The following MEGF11 variants were observed in gnomAD, a reference collection of about 807,000 sequenced individuals.
MEGF11 encodes the protein multiple epidermal growth factor-like domains protein 11.
MEGF11 carries 126 observed loss-of-function variants against 146.6 expected under a neutral mutation model. That is an observed-to-expected ratio of 0.86 (90% CI 0.74 to 1.00). The LOEUF is 1.00. MEGF11 is among the 50% of genes least tolerant of loss of function. The pLI, the probability that MEGF11 is intolerant of heterozygous loss-of-function variation, is 0.00. For missense variants in MEGF11, 1,509 were observed against 1,521.2 expected (o/e 0.99, Z 0.13); for synonymous variants, 532 against 583.4 (o/e 0.91, Z 1.27).
intron 4 of MEGF11, among the ~76,000 whole-genome samples, chr15:66,116,610 G>A (rs1402354854): frequency 6.6e-6 from 1 of 152,144 alleles, no homozygotes; most frequent in East Asian, 1.9e-4. Context: ...ACCCTGTAAG[G>A]GTTTCAGGGG....
intron 1 of MEGF11, among the ~76,000 whole-genome samples, chr15:66,137,296 T>C (rs2140991920): frequency 6.6e-6 from 1 of 152,354 alleles, no homozygotes; most frequent in South Asian, 2.1e-4. Context: ...TTATCATCAC[T>C]ATAGTCAGAA....
intron 7 of MEGF11, among the ~76,000 whole-genome samples, chr15:65,976,615 A>G (rs913411496): frequency 1.3e-5 from 2 of 152,230 alleles, no homozygotes; most frequent in Non-Finnish European, 2.9e-5. Context: ...TTCAGCCTTC[A>G]GAACTGTGAG....
chr15:66,174,091 T>G (rs1382421095), intron 1 of MEGF11, among the ~76,000 whole-genome samples: 24 of 152,246 alleles, frequency 1.6e-4, no homozygotes, highest in Admixed American at 1.6e-3. Flanking sequence ...TGACACTTCA[T>G]TCTGGCCTGG....
intron 5 of MEGF11, among the ~76,000 whole-genome samples, chr15:66,051,980 T>C (rs1316189561): frequency 2.6e-5 from 4 of 152,182 alleles, no homozygotes; most frequent in Non-Finnish European, 5.9e-5. Context: ...CCATAACTCT[T>C]ATTTACTCCA....
chr15:66,154,982 C>T (rs2089703476), intron 1 of MEGF11, among the ~76,000 whole-genome samples: 1 of 152,246 alleles, frequency 6.6e-6, no homozygotes, highest in Non-Finnish European at 1.5e-5. Context: ...ACAAGATTCC[C>T]TTCAGGGGAA....
Position 65,909,816 on chromosome 15 carries a change from G to T in MEGF11, c.2830-10C>A, listed in dbSNP as rs769966436. On this transcript the variant is annotated splice_polypyrimidine_tract_variant and intron_variant, in intron 21 of 25. Coordinates refer to ENST00000395614, the MANE Select transcript of MEGF11 (RefSeq NM_001385028.1). ...GGGACTTGTTACTGAGCTGTTTGGA[G>T]AGTAGGAGAGCCAGTTAATATCTAG... 1.9e-6 allele frequency: 3 copies of T among 1,564,688 alleles called. No homozygotes were observed. In the South Asian group the frequency reaches 3.5e-5, roughly 18 times the overall value.
chr15:65,975,579 G>A (rs1032108787), intron 7 of MEGF11, among the ~76,000 whole-genome samples: 2 of 152,158 alleles, frequency 1.3e-5, no homozygotes, highest in African/African-American at 4.8e-5. Context: ...GGTCTGGTGG[G>A]AAGAGCACTG....
At chr15:66,090,019 T>G (rs922693748) in intron 5 of MEGF11, among the ~76,000 whole-genome samples, 3 of 152,240 alleles carry the variant, frequency 2.0e-5, no homozygotes, top group Non-Finnish European at 4.4e-5. Flanking sequence ...CAGAATTATC[T>G]GATAGTTGGT....
At chr15:66,069,532 A>T (rs2085279801) in intron 5 of MEGF11, among the ~76,000 whole-genome samples, 1 of 152,232 alleles carries the variant, frequency 6.6e-6, no homozygotes. Flanking sequence ...AAAGAAGGTC[A>T]TATTACTTGG....
intron 5 of MEGF11, among the ~76,000 whole-genome samples, chr15:66,043,637 A>C (rs1311813033): frequency 1.3e-5 from 2 of 152,240 alleles, no homozygotes. Context: ...ACCCAGAAGA[A>C]CTGGCCCTGC....
intron 1 of MEGF11, among the ~76,000 whole-genome samples, chr15:66,243,941 C>T (rs759837972): frequency 6.6e-6 from 1 of 152,170 alleles, no homozygotes; most frequent in African/African-American, 2.4e-5. Flanking sequence ...CTCACGTGGT[C>T]CACATGGCCT....
chr15:65,997,719 A>G lies in MEGF11; in HGVS notation c.395-15231T>C, dbSNP rs140695325. On this transcript the variant is annotated intron_variant, in intron 5 of 25. Coordinates refer to ENST00000395614, the MANE Select transcript of MEGF11 (RefSeq NM_001385028.1). The stretch of plus-strand genomic sequence containing the variant: ...CAGCGCCTCGAACAGTGTCTGGCAT[A>G]TAGTAGATGCTCAATAAATATTTGC... Among the ~76,000 whole-genome samples, 1,067 of 152,266 alleles carry G rather than the reference A, an allele frequency of 7.0e-3. 3 individuals are homozygous for G. Among genetic ancestry groups the G allele is most frequent in the Non-Finnish European group, 9.0e-3 (610 of 68,016 alleles).
At chr15:65,918,669 G>C (rs967874141) in intron 15 of MEGF11, among the ~76,000 whole-genome samples, 1 of 152,212 alleles carries the variant, frequency 6.6e-6, no homozygotes, top group Non-Finnish European at 1.5e-5. Flanking sequence ...CCTCAAGAAA[G>C]CCCTCCTGAG....
In MEGF11 at chr15:65,915,603, G is replaced by A. The variant is rs759886016; in HGVS notation, c.2345-5C>T. 42 of 1,613,574 alleles carry A rather than the reference G, an allele frequency of 2.6e-5. No individual in the cohort carries two copies. Among genetic ancestry groups the A allele is most frequent in the Non-Finnish European group, 3.4e-5 (40 of 1,179,748 alleles). On this transcript the variant is annotated splice_polypyrimidine_tract_variant and splice_region_variant and intron_variant, in intron 18 of 25. Transcript: ENST00000395614. ...CAAAGGTTCCTGGGGCACATCCTGTGTGGCACAAAGAGTTAGGGTAGAGGA... is the reference window on the plus strand; with the variant it reads ...CAAAGGTTCCTGGGGCACATCCTGTATGGCACAAAGAGTTAGGGTAGAGGA...
intron 4 of MEGF11, among the ~76,000 whole-genome samples, chr15:66,110,263 C>G (rs1328632464): frequency 6.6e-6 from 1 of 152,188 alleles, no homozygotes; most frequent in Non-Finnish European, 1.5e-5. Flanking sequence ...AAGGACAACT[C>G]TTTGGTAGTT....
chr15:66,096,454 G>A (rs1391924823), intron 4 of MEGF11, among the ~76,000 whole-genome samples: 1 of 152,256 alleles, frequency 6.6e-6, no homozygotes, highest in Admixed American at 6.5e-5. Context: ...CAGGGAGGAA[G>A]GAGCTTGGGG....
At chr15:65,968,556 T>A (rs333556) in intron 8 of MEGF11, among the ~76,000 whole-genome samples, 121,200 of 151,968 alleles carry the variant, frequency 0.8, 49,713 homozygotes, top group Non-Finnish European at 0.91. Flanking sequence ...ATTCATTTAC[T>A]TAATCAGCCT....
intron 17 of MEGF11, 103 bp downstream of exon 17, chr15:65,916,725 G>T: frequency 6.5e-7 from 1 of 1,537,374 alleles, no homozygotes; most frequent in Non-Finnish European, 8.8e-7. Context: ...TCCTGGGGCT[G>T]CCTGCATTCC....
At position 65,980,768 on chromosome 15, in the gene MEGF11, G is replaced by A; in HGVS notation, c.762+10C>T. On this transcript the variant is annotated intron_variant, in intron 7 of 25. Coordinates refer to ENST00000395614, the MANE Select transcript of MEGF11 (RefSeq NM_001385028.1). Reference sequence around the variant, plus strand: ...CCAGTGCCCCACCCAGATCCTTTGGGCCCACTTACCGTCCAGCCTGGGGGG... The same window carrying A: ...CCAGTGCCCCACCCAGATCCTTTGGACCCACTTACCGTCCAGCCTGGGGGG... The A allele has an allele frequency of 6.3e-7, 1 of 1,590,676 alleles. No homozygotes were observed. Among genetic ancestry groups the A allele is most frequent in the South Asian group, 1.2e-5 (1 of 86,472 alleles).
Sources: gnomAD v4.1 joint callset for allele counts (sites outside exome capture counted in the v4.1 genomes callset) on GRCh38, gnomAD v4.1.1 for gene constraint, MANE v1.5 for transcripts, NCBI Gene and HGNC (gene_info 2026-07-23, HGNC 2026-07-21) for gene names.